The following TAF10 variants were observed in gnomAD, a reference collection of about 807,000 sequenced individuals.
TAF10 encodes the protein TATA-box binding protein associated factor 10.
Under a neutral mutation model 18.1 loss-of-function variants are expected in TAF10, and 2 were observed. The observed-to-expected ratio is 0.11, with a 90% confidence interval of 0.05 to 0.35. The LOEUF is 0.35. TAF10 is among the 10% of genes least tolerant of loss of function. The pLI is 1.00. For synonymous variants in TAF10, 158 were observed against 134.6 expected (o/e 1.17, Z -1.20); for missense variants, 293 against 306.9 (o/e 0.95, Z 0.34).
Position 6,610,600 on chromosome 11 carries a change from C to T in TAF10, c.*322G>A. On this transcript the variant is annotated 3_prime_UTR_variant, in exon 5 of 5. Transcript: ENST00000299424. ...GATTGTGCCTATCCTTGAGAAGATG[C>T]AGGACAAGTAGGACTGGAAGGTCCT... The T allele has an allele frequency of 6.2e-7, 1 of 1,614,220 alleles. No homozygotes were observed. The highest frequency in any genetic ancestry group is 8.5e-7 in the Non-Finnish European group (1 of 1,180,030).
chr11:6,608,271 C>A lies in TAF10; in HGVS notation c.*2651G>T. 6.3e-7 allele frequency: 1 copy of A among 1,585,808 alleles called. No individual in the cohort carries two copies. The highest frequency in any genetic ancestry group is 1.3e-5 in the African/African-American group (1 of 74,522). On this transcript the variant is annotated 3_prime_UTR_variant, in exon 5 of 5. Transcript: ENST00000299424. This position sits in a 1 kb window ranked among gnomAD's most constrained non-coding sequence, Gnocchi z 4.9. ...ACATGCCATGAGGGTCAGTCACAGG[C>A]ACTGTAACATACAGTAGAAAGCATG...
At chr11:6,611,336 G>A (rs2134581918) in intron 3 of TAF10, 33 bp from the exon 4 acceptor site, 2 of 1,613,886 alleles carry the variant, frequency 1.2e-6, no homozygotes, top group South Asian at 2.2e-5. Context: ...AGAAGGAGAT[G>A]GACAACATAC....
rs1446758399 is a variant in TAF10 at position 6,608,936 on chromosome 11, A to G, written c.*1986T>C. On this transcript the variant is annotated 3_prime_UTR_variant, in exon 5 of 5. Transcript: ENST00000299424. This position sits in a 1 kb window ranked among gnomAD's most constrained non-coding sequence, Gnocchi z 4.9. The stretch of plus-strand genomic sequence containing the variant: ...TCAACCGTATTCCATACAAGGACAC[A>G]TTCTGGAAGGGGACCACCCGCACTC... 8 of 1,614,100 alleles carry G rather than the reference A, an allele frequency of 5.0e-6. No individual in the cohort carries two copies. Among genetic ancestry groups the G allele is most frequent in the Middle Eastern group, 1.6e-4 (1 of 6,084 alleles).
intron 2 of TAF10, 53 bp from the exon 3 acceptor site, chr11:6,611,505 A>G (rs748374328): frequency 3.2e-5 from 51 of 1,608,862 alleles, no homozygotes; most frequent in Non-Finnish European, 4.3e-5. Context: ...GGTGAGGGAA[A>G]TGGATAGGCC....
rs777180862 is a variant in TAF10 at position 6,610,318 on chromosome 11, T to C, written c.*604A>G. 6.2e-7 allele frequency: 1 copy of C among 1,613,850 alleles called. No homozygotes were observed. Among genetic ancestry groups the C allele is most frequent in the Non-Finnish European group, 8.5e-7 (1 of 1,179,998 alleles). ...GCATACATTTGTGTTGCGGGAGTGG[T>C]TGGTGATGGTGAAAATAACTGTAGT... On this transcript the variant is annotated 3_prime_UTR_variant, in exon 5 of 5. Coordinates refer to ENST00000299424, the MANE Select transcript of TAF10 (RefSeq NM_006284.4).
rs1410781964 is a variant in TAF10, at chr11:6,607,573, T to C, written c.*3349A>G. ...TGGCCTGCCTTCTCCAAGACACCCT[T>C]CTCCCCCACTAACATGCACTGAACA... On this transcript the variant is annotated 3_prime_UTR_variant, in exon 5 of 5. Transcript: ENST00000299424. 5.5e-6 allele frequency: 1 copy of C among 182,156 alleles called. No individual in the cohort carries two copies. The highest frequency in any genetic ancestry group is 1.5e-4 in the East Asian group (1 of 6,884). 11.3% of individuals were successfully genotyped at this position (182,156 alleles called of 1,614,324 possible). A position where few individuals can be genotyped will look rare whatever the true frequency, so the allele number is the denominator to read the frequency against.
In TAF10 at chr11:6,609,761, T is replaced by C; in HGVS notation, c.*1161A>G. On this transcript the variant is annotated 3_prime_UTR_variant, in exon 5 of 5. Transcript: ENST00000299424. ...ACCAGAGCCAGGCTGTGAAGTTTGC[T>C]TTGGACATGGCAAGGGGCATGGCCT... 1 of 1,614,192 alleles carries C rather than the reference T, an allele frequency of 6.2e-7. No individual in the cohort carries two copies. The highest frequency in any genetic ancestry group is 8.5e-7 in the Non-Finnish European group (1 of 1,180,022).
rs1564846431 is a variant in TAF10, at chr11:6,608,869, GT to G, written c.*2052del. Reference sequence around the variant, plus strand: ...CTCCCTCTGTACCACAGCTTAGGTTGTTTTTCTTCCCTAGAGCGGGCAGAGA... The same window carrying G: ...CTCCCTCTGTACCACAGCTTAGGTTGTTTTCTTCCCTAGAGCGGGCAGAGA... On this transcript the variant is annotated 3_prime_UTR_variant, in exon 5 of 5. Coordinates refer to ENST00000299424, the MANE Select transcript of TAF10 (RefSeq NM_006284.4). The surrounding 1 kb of genome is among the most constrained non-coding windows in gnomAD (Gnocchi z 4.9). 3 of 1,613,988 alleles carry G rather than the reference GT, an allele frequency of 1.9e-6. No homozygotes were observed. In the South Asian group the frequency reaches 3.3e-5, roughly 18 times the overall value.
In TAF10 at chr11:6,608,365, T is replaced by A. The variant is rs753995645; in HGVS notation, c.*2557A>T. The A allele has an allele frequency of 3.1e-6, 5 of 1,606,446 alleles. No homozygotes were observed. In the Admixed American group the frequency reaches 8.3e-5, roughly 27 times the overall value. ...TTTGGAACTGACTGTACTTTCTGCCTCTTCTTTTTGTCTGGCCATGGGGTC... is the reference window on the plus strand; with the variant it reads ...TTTGGAACTGACTGTACTTTCTGCCACTTCTTTTTGTCTGGCCATGGGGTC... On this transcript the variant is annotated 3_prime_UTR_variant, in exon 5 of 5. Coordinates refer to ENST00000299424, the MANE Select transcript of TAF10 (RefSeq NM_006284.4). This position sits in a 1 kb window ranked among gnomAD's most constrained non-coding sequence, Gnocchi z 4.9.
chr11:6,609,861 C>T lies in TAF10; in HGVS notation c.*1061G>A. On this transcript the variant is annotated 3_prime_UTR_variant, in exon 5 of 5. Transcript: ENST00000299424. ...TAGTGTAATGGTGAGGCCACAAGCT[C>T]ACTCCTGGCCCAGGCCCCAAAAGCC... is the stretch of plus-strand genomic sequence containing the variant. 6.2e-7 allele frequency: 1 copy of T among 1,614,234 alleles called. No individual in the cohort carries two copies. Among genetic ancestry groups the T allele is most frequent in the Non-Finnish European group, 8.5e-7 (1 of 1,180,044 alleles).
At chr11:6,611,613 G>C in intron 2 of TAF10, 51 bp downstream of exon 2, 1 of 1,580,864 alleles carries the variant, frequency 6.3e-7, no homozygotes, top group Non-Finnish European at 8.6e-7. Flanking sequence ...GCACGATGTG[G>C]CTGAAAGTTT....
rs746075486 is a variant in TAF10 at position 6,609,055 on chromosome 11, C to T, written c.*1867G>A. The T allele has an allele frequency of 5.6e-6, 9 of 1,613,190 alleles. No homozygotes were observed. In the Admixed American group the frequency reaches 1.0e-4, roughly 18 times the overall value. On this transcript the variant is annotated 3_prime_UTR_variant, in exon 5 of 5. Coordinates refer to ENST00000299424, the MANE Select transcript of TAF10 (RefSeq NM_006284.4). ...GTTAGGGTGAAGCTGGGTACCTGAC[C>T]TGCCCACACTCTTAGGAAATGGAAC...
rs1036344877 is a variant in TAF10, at chr11:6,608,559, A to T, written c.*2363T>A. 1 of 1,402,614 alleles carries T rather than the reference A, an allele frequency of 7.1e-7. No homozygotes were observed. The highest frequency in any genetic ancestry group is 2.3e-5 in the East Asian group (1 of 43,938). 86.9% of individuals were successfully genotyped at this position (1,402,614 alleles called of 1,614,324 possible). On this transcript the variant is annotated 3_prime_UTR_variant, in exon 5 of 5. Transcript: ENST00000299424. This position sits in a 1 kb window ranked among gnomAD's most constrained non-coding sequence, Gnocchi z 4.9. ...TCTGAGCCTTGGTGGGAGATTTTGG[A>T]ACCCTCAACCCATTCTGTCAGTACT...
chr11:6,611,364 C>G (rs1855455309), intron 3 of TAF10, 24 bp downstream of exon 3: 1 of 1,614,176 alleles, frequency 6.2e-7, no homozygotes, highest in Non-Finnish European at 8.5e-7. Context: ...GCACCCAAAA[C>G]TAACCTGCCC....
In TAF10 at chr11:6,611,065, C is replaced by G; in HGVS notation, c.568-54G>C. Reference sequence around the variant, plus strand: ...AGCACAGGAATCCCGGACTTCAATCCCAGATGGGTGACCCTGAGTAAGTCT... The same window carrying G: ...AGCACAGGAATCCCGGACTTCAATCGCAGATGGGTGACCCTGAGTAAGTCT... On this transcript the variant is annotated intron_variant, in intron 4 of 4. Transcript: ENST00000299424. The G allele has an allele frequency of 3.1e-6, 5 of 1,603,782 alleles. No homozygotes were observed. The South Asian group carries it at 5.5e-5, about 18-fold the overall frequency.
Position 6,610,824 on chromosome 11 carries a change from A to G in TAF10, c.*98T>C. 1.4e-6 allele frequency: 2 copies of G among 1,448,118 alleles called. No individual in the cohort carries two copies. Among genetic ancestry groups the G allele is most frequent in the Non-Finnish European group, 1.9e-6 (2 of 1,035,454 alleles). The allele number at this position is 1,448,118 out of a possible 1,614,324, so 89.7% of individuals were successfully genotyped here. Reference sequence around the variant, plus strand: ...CACTTGCCACATGGTGTCTCCCAACATGGGAGGGATCAGCCCCGCCTGTCA... The same window carrying G: ...CACTTGCCACATGGTGTCTCCCAACGTGGGAGGGATCAGCCCCGCCTGTCA... On this transcript the variant is annotated 3_prime_UTR_variant, in exon 5 of 5. Coordinates refer to ENST00000299424, the MANE Select transcript of TAF10 (RefSeq NM_006284.4).
Position 6,609,403 on chromosome 11 carries a change from G to A in TAF10, c.*1519C>T. On this transcript the variant is annotated 3_prime_UTR_variant, in exon 5 of 5. Transcript: ENST00000299424. Reference sequence around the variant, plus strand: ...GGGACTTCAATGAAGAGTGTCCCCGGCTCAGGTAGTGCAAGGCGTAACCTG... The same window carrying A: ...GGGACTTCAATGAAGAGTGTCCCCGACTCAGGTAGTGCAAGGCGTAACCTG... The A allele has an allele frequency of 6.2e-7, 1 of 1,613,888 alleles. No individual in the cohort carries two copies. The highest frequency in any genetic ancestry group is 8.5e-7 in the Non-Finnish European group (1 of 1,179,932).
chr11:6,609,174 TG>T lies in TAF10; in HGVS notation c.*1747del, dbSNP rs778703652. 73 of 1,609,880 alleles carry T rather than the reference TG, an allele frequency of 4.5e-5. No individual in the cohort carries two copies. Among genetic ancestry groups the T allele is most frequent in the Non-Finnish European group, 5.5e-5 (65 of 1,176,258 alleles). On this transcript the variant is annotated 3_prime_UTR_variant, in exon 5 of 5. Coordinates refer to ENST00000299424, the MANE Select transcript of TAF10 (RefSeq NM_006284.4). Reference sequence around the variant, plus strand: ...CTGGAGAGGTGACCCCTGCCCTTCTTGCCCTTCCCTCACTAAACCCCCATAA... The same window carrying T: ...CTGGAGAGGTGACCCCTGCCCTTCTTCCCTTCCCTCACTAAACCCCCATAA...
In TAF10 at chr11:6,607,855, G is replaced by A; in HGVS notation, c.*3067C>T. The A allele has an allele frequency of 1.6e-6, 1 of 607,572 alleles. No homozygotes were observed. Among genetic ancestry groups the A allele is most frequent in the Non-Finnish European group, 2.9e-6 (1 of 340,184 alleles). The allele number at this position is 607,572 out of a possible 1,614,324, so 37.6% of individuals were successfully genotyped here. On this transcript the variant is annotated 3_prime_UTR_variant, in exon 5 of 5. Coordinates refer to ENST00000299424, the MANE Select transcript of TAF10 (RefSeq NM_006284.4). ...TTTATAGAGGTTGTTGAGATATCTA[G>A]GTGGTTGGTTTGGTTTGAAGCTCAG...
Sources: gnomAD v4.1 joint callset for allele counts on GRCh38, gnomAD v4.1.1 for gene constraint, Gnocchi (gnomAD v3.1) non-coding constraint, MANE v1.5 for transcripts, NCBI Gene and HGNC (gene_info 2026-07-23, HGNC 2026-07-21) for gene names.